Variants in DTNB observed in about 807,000 individuals in gnomAD.
The protein encoded by DTNB is DTN-B.
Under a neutral mutation model 90.7 loss-of-function variants are expected in DTNB, and 63 were observed. That is an observed-to-expected ratio of 0.69 (90% CI 0.57 to 0.86). The LOEUF (loss-of-function observed/expected upper bound fraction) is 0.86. Among genes scored for constraint, DTNB ranks in the 40% least tolerant of loss-of-function variants. The probability of loss-of-function intolerance (pLI) is 0.00; values close to 1 mark genes in which losing one functional copy is unlikely to be tolerated. For synonymous variants in DTNB, 277 were observed against 286.7 expected (o/e 0.97, Z 0.34); for missense variants, 744 against 807.1 (o/e 0.92, Z 0.95).
At chr2:25,390,219 A>G (rs1241602853) in intron 16 of DTNB, among the ~76,000 whole-genome samples, 1 of 152,216 alleles carries the variant, frequency 6.6e-6, no homozygotes, top group Non-Finnish European at 1.5e-5. Context: ...ATCACTTAGC[A>G]TGCTTTCTGA....
chr2:25,444,753 T>C (rs890673578), intron 12 of DTNB, among the ~76,000 whole-genome samples: 1 of 152,146 alleles, frequency 6.6e-6, no homozygotes, highest in Non-Finnish European at 1.5e-5. Context: ...AAGAAGGTCT[T>C]TGAAAAAAAT....
chr2:25,515,736 C>T (rs991632968), intron 9 of DTNB, among the ~76,000 whole-genome samples: 29 of 151,970 alleles, frequency 1.9e-4, no homozygotes, highest in Non-Finnish European at 7.4e-5. Context: ...CCACCATGCC[C>T]GGCTAATTTT....
At chr2:25,462,735 G>T (rs904755158) in intron 10 of DTNB, among the ~76,000 whole-genome samples, 2 of 148,930 alleles carry the variant, frequency 1.3e-5, no homozygotes, top group African/African-American at 5.0e-5. Flanking sequence ...ACGGAGTCTC[G>T]CTCTGTCGCC....
At chr2:25,446,570 A>AT (rs60851298) in intron 12 of DTNB, among the ~76,000 whole-genome samples, 56 of 149,392 alleles carry the variant, frequency 3.7e-4, no homozygotes, top group African/African-American at 9.8e-4. Context: ...TTTTAAAGGG[A>AT]TTTTTTTTTT....
intron 16 of DTNB, among the ~76,000 whole-genome samples, chr2:25,394,835 G>T (rs557389080): frequency 1.3e-5 from 2 of 152,304 alleles, no homozygotes; most frequent in South Asian, 4.1e-4. Context: ...ATTCCTTAAA[G>T]AACTAAAAGT....
At chr2:25,485,528 T>A (rs1479780892) in intron 9 of DTNB, among the ~76,000 whole-genome samples, 1 of 152,194 alleles carries the variant, frequency 6.6e-6, no homozygotes, top group South Asian at 2.1e-4. Flanking sequence ...TATCAAAGCT[T>A]CTTCTCTAAT....
rs180804675 is a variant in DTNB at position 25,387,918 on chromosome 2, G to T, written c.1735+284C>A. On this transcript the variant is annotated intron_variant, in intron 17 of 20. Transcript: ENST00000406818. The surrounding 1 kb of genome is among the most constrained non-coding windows in gnomAD (Gnocchi z 4.5). ...ATTATTCCATCCAATTCCTCTGGAGGAGACAAAGCCCAAAGGACAAAGCAC... is the reference window on the plus strand; with the variant it reads ...ATTATTCCATCCAATTCCTCTGGAGTAGACAAAGCCCAAAGGACAAAGCAC... 1.1e-3 allele frequency among the ~76,000 whole-genome samples: 173 copies of T among 152,354 alleles called. No homozygotes were observed. Among genetic ancestry groups the T allele is most frequent in the African/African-American group, 3.9e-3 (163 of 41,582 alleles).
At chr2:25,398,553 A>G (rs969622330) in intron 16 of DTNB, among the ~76,000 whole-genome samples, 1 of 152,210 alleles carries the variant, frequency 6.6e-6, no homozygotes, top group African/African-American at 2.4e-5. Flanking sequence ...CTAAGGGTTC[A>G]GGAAGCCTGG....
At chr2:25,580,111 A>G (rs2061343747) in intron 7 of DTNB, among the ~76,000 whole-genome samples, 3 of 150,230 alleles carry the variant, frequency 2.0e-5, no homozygotes, top group Admixed American at 6.7e-5. Context: ...CCTCCCAAGT[A>G]GCTGGGATTG....
chr2:25,531,331 G>T, intron 9 of DTNB, 142 bp downstream of exon 9: 2 of 1,315,184 alleles, frequency 1.5e-6, no homozygotes, highest in Non-Finnish European at 1.0e-6. Flanking sequence ...AAGAAAGCTT[G>T]AAGTCTTAAG....
chr2:25,431,790 T>G (rs1159187838), intron 14 of DTNB, among the ~76,000 whole-genome samples: 1 of 151,850 alleles, frequency 6.6e-6, no homozygotes, highest in Non-Finnish European at 1.5e-5. Context: ...TCAGCAGCAT[T>G]TGTGTTCCCA....
intron 10 of DTNB, among the ~76,000 whole-genome samples, chr2:25,457,401 T>G (rs2060214054): frequency 6.6e-6 from 1 of 152,290 alleles, no homozygotes; most frequent in South Asian, 2.1e-4. Flanking sequence ...AAAGAGTATT[T>G]AGAGACTGCA....
chr2:25,638,907 A>C, intron 3 of DTNB, 107 bp downstream of exon 3: 4 of 1,148,514 alleles, frequency 3.5e-6, no homozygotes, highest in Non-Finnish European at 4.7e-6. Context: ...AATACTTAAG[A>C]CAAAAATAAT....
At chr2:25,563,248 A>G (rs1188345812) in intron 8 of DTNB, among the ~76,000 whole-genome samples, 2 of 152,204 alleles carry the variant, frequency 1.3e-5, no homozygotes, top group South Asian at 2.1e-4. Context: ...CTCCCAACTG[A>G]TAACGACCAT....
chr2:25,655,426 T>C (rs2081879737), intron 1 of DTNB, among the ~76,000 whole-genome samples: 1 of 152,166 alleles, frequency 6.6e-6, no homozygotes, highest in African/African-American at 2.4e-5. Flanking sequence ...GATGAAAGCA[T>C]TGATTCACCA....
rs761287975 is a variant in DTNB at position 25,427,579 on chromosome 2, G to T, written c.1510C>A (p.Arg504=). 1.2e-6 allele frequency: 2 copies of T among 1,613,580 alleles called. No individual in the cohort carries two copies. Among genetic ancestry groups the T allele is most frequent in the Non-Finnish European group, 1.7e-6 (2 of 1,179,788 alleles). The part of the protein sequence containing the change: ...QRMSALQESR[R]ELMVQLEELM... ...TCTTCCAGCTGGACCATCAGCTCCC[G>T]CCTGCTCTCCTGCAGGGCCGACATC... Residue 504 remains arginine, a synonymous_variant, in exon 15 of 21, where the codon CGG becomes AGG. Transcript: ENST00000406818.
Position 25,393,350 on chromosome 2 carries a change from C to A in DTNB, c.1576-4989G>T, listed in dbSNP as rs570362712. 9.1e-3 allele frequency among the ~76,000 whole-genome samples: 1,391 copies of A among 152,288 alleles called. 10 individuals carry two copies. The highest frequency in any genetic ancestry group is 0.014 in the Non-Finnish European group (979 of 68,022). ...ACAAGGATGCTCACTTTCACCACTT[C>A]TATTCAACATAGTACTGGAAGTCCT... On this transcript the variant is annotated intron_variant, in intron 16 of 20. Transcript: ENST00000406818.
At chr2:25,647,684 G>A (rs536342425) in intron 2 of DTNB, among the ~76,000 whole-genome samples, 55 of 152,112 alleles carry the variant, frequency 3.6e-4, no homozygotes, top group Admixed American at 1.1e-3. Flanking sequence ...AGACCAGCCT[G>A]GGCAACAGAG....
intron 12 of DTNB, among the ~76,000 whole-genome samples, chr2:25,443,471 C>G (rs752032867): frequency 9.9e-5 from 15 of 152,226 alleles, no homozygotes; most frequent in Non-Finnish European, 1.6e-4. Context: ...AGTCAGCAAA[C>G]GGTAATCCAG....
Sources: gnomAD v4.1 joint callset for allele counts (sites outside exome capture counted in the v4.1 genomes callset) on GRCh38, gnomAD v4.1.1 for gene constraint, Gnocchi (gnomAD v3.1) non-coding constraint, MANE v1.5 for transcripts, NCBI Gene and HGNC (gene_info 2026-07-23, HGNC 2026-07-21) for gene names.